JAK2: variants seen among roughly 807,000 people sequenced by gnomAD.
The protein encoded by JAK2 is tyrosine-protein kinase JAK2.
In JAK2, 86 loss-of-function variants were observed where a neutral mutation model predicts 139.3. That is an observed-to-expected ratio of 0.62 (90% CI 0.52 to 0.74). The LOEUF (loss-of-function observed/expected upper bound fraction) is 0.74. JAK2 is among the 30% of genes least tolerant of loss of function. The pLI is 0.00. For missense variants in JAK2, 1,421 were observed against 1,360.3 expected (o/e 1.04, Z -0.70); for synonymous variants, 490 against 437.7 (o/e 1.12, Z -1.49).
At chr9:5,015,022 C>T (rs771545529) in intron 2 of JAK2, among the ~76,000 whole-genome samples, 6 of 151,870 alleles carry the variant, frequency 4.0e-5, no homozygotes, top group South Asian at 2.1e-4. Context: ...TTTAGAAAAA[C>T]GGTATTTTAC....
At chr9:5,045,173 G>T (rs971185807) in intron 5 of JAK2, among the ~76,000 whole-genome samples, 3 of 152,136 alleles carry the variant, frequency 2.0e-5, no homozygotes, top group Non-Finnish European at 2.9e-5. Context: ...AGTAGGAATA[G>T]AAATTAAAGG....
rs33925764 is a variant in JAK2, at chr9:5,080,892, CTT to C, written c.2434+229_2434+230del. ...TTTCATTTTTATAAAAAGACCTTTT[CTT>C]TTTTTTTTTTTTTTTTTTTGAGATG... On this transcript the variant is annotated intron_variant, in intron 18 of 24. Coordinates refer to ENST00000381652, the MANE Select transcript of JAK2 (RefSeq NM_004972.4). Among the ~76,000 whole-genome samples, 302 of 95,586 alleles carry C rather than the reference CTT, an allele frequency of 3.2e-3. 2 individuals carry two copies. The highest frequency in any genetic ancestry group is 0.013 in the African/African-American group (275 of 21,674). The allele number at this position is 95,586 out of a possible 152,430, so 62.7% of individuals were successfully genotyped here. A position where few individuals can be genotyped will look rare whatever the true frequency, so the allele number is the denominator to read the frequency against.
At chr9:5,025,661 C>A (rs1276792923) in intron 3 of JAK2, among the ~76,000 whole-genome samples, 1 of 151,752 alleles carries the variant, frequency 6.6e-6, no homozygotes, top group Non-Finnish European at 1.5e-5. Flanking sequence ...AGCCTCCTGA[C>A]TAGCTGGACT....
At chr9:5,085,431 G>C (rs1161104753) in intron 19 of JAK2, 1 of 746,234 alleles carries the variant, frequency 1.3e-6, no homozygotes, top group Non-Finnish European at 2.5e-6. Flanking sequence ...TGGCTATCAG[G>C]CTCGCAGTAT....
rs10974946 is a variant in JAK2, at chr9:5,072,579, G to A, written c.1729G>A (p.Glu577Lys). 1 of 1,610,620 alleles carries A rather than the reference G, an allele frequency of 6.2e-7. No individual in the cohort carries two copies. The highest frequency in any genetic ancestry group is 8.5e-7 in the Non-Finnish European group (1 of 1,177,880). Residue 577 changes from glutamate (E) to lysine (K), a missense_variant, in exon 13 of 25, where the codon GAA becomes AAA. Transcript: ENST00000381652. ...AGACTACGGTCAACTGCATGAAACA[G>A]AAGTTCTTTTAAAAGTTCTGGATAA... is the stretch of plus-strand genomic sequence containing the variant. ...VGDYGQLHET[E>K]VLLKVLDKAH...
At chr9:5,056,105 C>G (rs889949589) in intron 8 of JAK2, among the ~76,000 whole-genome samples, 1 of 152,060 alleles carries the variant, frequency 6.6e-6, no homozygotes, top group African/African-American at 2.4e-5. Context: ...TCACCCCTGA[C>G]TAAAATATTT....
At chr9:5,019,972 T>C (rs1433067321) in intron 2 of JAK2, among the ~76,000 whole-genome samples, 1 of 152,100 alleles carries the variant, frequency 6.6e-6, no homozygotes, top group Non-Finnish European at 1.5e-5. Flanking sequence ...GTGGCTTACA[T>C]TAGTAATGGT....
chr9:5,041,475 C>G (rs144984945), intron 4 of JAK2: 213 of 597,378 alleles, frequency 3.6e-4, no homozygotes, highest in African/African-American at 3.5e-3. Context: ...AAGGCTGACA[C>G]GATCATGAGC....
intron 8 of JAK2, among the ~76,000 whole-genome samples, chr9:5,063,961 G>A (rs540770599): frequency 1.3e-5 from 2 of 152,200 alleles, no homozygotes; most frequent in Non-Finnish European, 2.9e-5. Context: ...TTTGAGACCA[G>A]CCTGGCCAAC....
chr9:5,043,099 A>T (rs1816733010), intron 4 of JAK2, among the ~76,000 whole-genome samples: 1 of 152,138 alleles, frequency 6.6e-6, no homozygotes, highest in African/African-American at 2.4e-5. Context: ...GCAGCCGCAG[A>T]CAAAATGCCT....
At chr9:5,100,692 G>C (rs1040397689) in intron 22 of JAK2, 6 of 152,212 alleles carry the variant, frequency 3.9e-5, no homozygotes, top group East Asian at 1.9e-4. Flanking sequence ...CAGCCTGATA[G>C]AAGGAAATCG....
intron 4 of JAK2, among the ~76,000 whole-genome samples, chr9:5,037,132 A>G (rs1355612355): frequency 6.6e-6 from 1 of 152,250 alleles, no homozygotes; most frequent in Non-Finnish European, 1.5e-5. Context: ...GCCATCAGAG[A>G]AATGCAAATC....
At chr9:5,010,628 C>A (rs1821637884) in intron 2 of JAK2, among the ~76,000 whole-genome samples, 1 of 152,078 alleles carries the variant, frequency 6.6e-6, no homozygotes, top group African/African-American at 2.4e-5. Flanking sequence ...CTGTCAGTTG[C>A]CTTTTAATAC....
At chr9:5,032,974 T>C (rs544848696) in intron 4 of JAK2, among the ~76,000 whole-genome samples, 4 of 152,254 alleles carry the variant, frequency 2.6e-5, no homozygotes, top group East Asian at 1.9e-4. Context: ...TTTGAACTCA[T>C]GGCAAAGAAG....
chr9:5,015,224 G>A (rs776380798), intron 2 of JAK2, among the ~76,000 whole-genome samples: 12 of 152,114 alleles, frequency 7.9e-5, no homozygotes, highest in African/African-American at 1.9e-4. Context: ...AAGCTGAGGC[G>A]CAATGAATAT....
intron 4 of JAK2, among the ~76,000 whole-genome samples, chr9:5,032,798 A>T (rs1233148581): frequency 6.6e-6 from 1 of 152,230 alleles, no homozygotes; most frequent in African/African-American, 2.4e-5. Context: ...GATGGGGAAA[A>T]AACAGAGCAG....
intron 19 of JAK2, chr9:5,085,001 A>G: frequency 2.4e-6 from 2 of 849,510 alleles, no homozygotes; most frequent in Non-Finnish European, 3.8e-6. Context: ...GTTGTCATTT[A>G]TGTCTTGTGA....
intron 22 of JAK2, chr9:5,097,801 C>G (rs192302444): frequency 1.3e-4 from 20 of 152,350 alleles, no homozygotes; most frequent in Admixed American, 9.8e-4. Context: ...CCACTACGTC[C>G]TATCACCAGG....
chr9:4,984,780 G>C (rs1039887364), upstream of JAK2: 1 of 152,336 alleles, frequency 6.6e-6, no homozygotes, highest in Non-Finnish European at 1.5e-5. Flanking sequence ...GTCACTCCCG[G>C]CCGCTTCCCT....
Sources: allele counts gnomAD v4.1 joint callset (sites outside exome capture counted in the v4.1 genomes callset), GRCh38; gene constraint gnomAD v4.1.1; transcripts MANE v1.5; gene names NCBI Gene and HGNC (gene_info 2026-07-23, HGNC 2026-07-21).